Variants in PIK3C2G observed in about 807,000 individuals in gnomAD.
PIK3C2G encodes the protein phosphatidylinositol-4-phosphate 3-kinase catalytic subunit type 2 gamma.
PIK3C2G carries 168 observed loss-of-function variants against 181.1 expected under a neutral mutation model. The ratio of observed to expected loss-of-function variants is 0.93; its 90% CI spans 0.82 to 1.05. PIK3C2G has a LOEUF of 1.05. Among genes scored for constraint, PIK3C2G ranks in the 50% least tolerant of loss-of-function variants. The pLI, the probability that PIK3C2G is intolerant of heterozygous loss-of-function variation, is 0.00. For synonymous variants in PIK3C2G, 573 were observed against 592.2 expected (o/e 0.97, Z 0.47); for missense variants, 1,869 against 1,732.8 (o/e 1.08, Z -1.40).
At chr12:18,550,830 CAT>C (rs1313095766) in intron 26 of PIK3C2G, among the ~76,000 whole-genome samples, 1 of 152,024 alleles carries the variant, frequency 6.6e-6, no homozygotes, top group Non-Finnish European at 1.5e-5. Context: ...TGAGACATAA[CAT>C]ATGTGGCTAC....
chr12:18,355,064 G>A (rs1179841081), intron 11 of PIK3C2G, among the ~76,000 whole-genome samples: 3 of 152,206 alleles, frequency 2.0e-5, no homozygotes, highest in Non-Finnish European at 4.4e-5. Context: ...GGCCTTATCT[G>A]TGCCATGGAG....
upstream of PIK3C2G, among the ~76,000 whole-genome samples, chr12:18,259,772 A>C (rs1842086669): frequency 6.6e-6 from 1 of 152,080 alleles, no homozygotes; most frequent in Non-Finnish European, 1.5e-5. Flanking sequence ...TTTTAAATAA[A>C]ATTTGCATTT....
chr12:18,386,477 T>A (rs1459897550), intron 14 of PIK3C2G, among the ~76,000 whole-genome samples: 2 of 152,114 alleles, frequency 1.3e-5, no homozygotes, highest in East Asian at 3.9e-4. Context: ...CCACTAATCT[T>A]CTTTCTATCT....
intron 16 of PIK3C2G, among the ~76,000 whole-genome samples, chr12:18,405,127 G>T (rs1439336158): frequency 6.6e-6 from 1 of 152,136 alleles, no homozygotes; most frequent in Non-Finnish European, 1.5e-5. Flanking sequence ...GCAAATTTAC[G>T]TAGTGAACGT....
At chr12:18,622,320 G>A (rs944911254) in intron 31 of PIK3C2G, among the ~76,000 whole-genome samples, 3 of 151,830 alleles carry the variant, frequency 2.0e-5, no homozygotes, top group African/African-American at 7.2e-5. Flanking sequence ...CTGTCTTCCT[G>A]TGTTTGGCTT....
intron 13 of PIK3C2G, among the ~76,000 whole-genome samples, chr12:18,375,631 G>A (rs1309134540): frequency 1.3e-5 from 2 of 152,178 alleles, no homozygotes; most frequent in African/African-American, 4.8e-5. Context: ...AGACATATCT[G>A]CATGACTGAA....
At chr12:18,369,177 C>T (rs1043758251) in intron 12 of PIK3C2G, among the ~76,000 whole-genome samples, 1 of 152,168 alleles carries the variant, frequency 6.6e-6, no homozygotes, top group Non-Finnish European at 1.5e-5. Context: ...TAAAGATGCT[C>T]GGTCACTCTT....
chr12:18,662,061 T>C, the PIK3C2G span, among the ~76,000 whole-genome samples: 22 of 152,034 alleles, frequency 1.4e-4, no homozygotes, highest in African/African-American at 4.6e-4. Context: ...CCGTATTAAG[T>C]AGGAACTAAA....
At position 18,391,121 on chromosome 12, in the gene PIK3C2G, G is replaced by A; in HGVS notation, c.1996-1G>A. On this transcript the variant is annotated splice_acceptor_variant, in intron 14 of 32. Transcript: ENST00000538779. LOFTEE classifies it high-confidence loss of function. The stretch of plus-strand genomic sequence containing the variant: ...ATGGCAAATCATTTTTTTTCTTTCA[G>A]ATTGATTTTCCAGCTACTGGGTGGG... 1.3e-6 allele frequency: 2 copies of A among 1,590,110 alleles called. No homozygotes were observed. The highest frequency in any genetic ancestry group is 1.7e-6 in the Non-Finnish European group (2 of 1,170,442).
At chr12:18,308,919 TTTAA>T (rs527789422) in intron 5 of PIK3C2G, among the ~76,000 whole-genome samples, 1 of 151,790 alleles carries the variant, frequency 6.6e-6, no homozygotes, top group Non-Finnish European at 1.5e-5. Flanking sequence ...AAATGTCTGG[TTTAA>T]TTAAGACCAT....
chr12:18,500,264 G>C (rs558083641), intron 22 of PIK3C2G, among the ~76,000 whole-genome samples: 10 of 150,752 alleles, frequency 6.6e-5, no homozygotes, highest in African/African-American at 1.2e-4. Context: ...CTGCCGGCCC[G>C]GGCAATGAGG....
intron 5 of PIK3C2G, among the ~76,000 whole-genome samples, chr12:18,313,599 A>T (rs10161286): frequency 0.16 from 24,655 of 151,934 alleles, 2,281 homozygotes; most frequent in East Asian, 0.41. Context: ...TTGAACCCTG[A>T]GATGGCTGGG....
chr12:18,391,170 G>A lies in PIK3C2G; in HGVS notation c.2044G>A (p.Glu682Lys), dbSNP rs769595327. 2.5e-6 allele frequency: 4 copies of A among 1,607,982 alleles called. No homozygotes were observed. Among genetic ancestry groups the A allele is most frequent in the South Asian group, 1.1e-5 (1 of 90,234 alleles). ...GGAGTATATGAAACCTGATTCTGAA[G>A]AGAATAGAAGTAATCTTGAAGAGCC... ...GWEYMKPDSEENRSNLEEPLK... is the reference protein window; with the variant it reads ...GWEYMKPDSEKNRSNLEEPLK... Residue 682 changes from glutamate (E) to lysine (K), a missense_variant, in exon 15 of 33, where the codon GAG becomes AAG. Transcript: ENST00000538779.
chr12:18,521,391 G>A (rs988135017), intron 24 of PIK3C2G, among the ~76,000 whole-genome samples: 2 of 152,352 alleles, frequency 1.3e-5, no homozygotes, highest in Middle Eastern at 3.4e-3. Context: ...GTGGCTACCC[G>A]TCCTCTTAGG....
the PIK3C2G span, chr12:18,685,763 C>A: frequency 2.5e-6 from 1 of 395,446 alleles, no homozygotes; most frequent in Non-Finnish European, 5.2e-6. Flanking sequence ...TTTCTTCTTC[C>A]TCCAATCCTA....
At chr12:18,601,153 C>A (rs1168672906) in intron 30 of PIK3C2G, among the ~76,000 whole-genome samples, 1 of 151,742 alleles carries the variant, frequency 6.6e-6, no homozygotes, top group Non-Finnish European at 1.5e-5. Flanking sequence ...TAGTACTATA[C>A]ATAATATATA....
chr12:18,558,617 C>T (rs1945134012), intron 26 of PIK3C2G, among the ~76,000 whole-genome samples: 1 of 152,130 alleles, frequency 6.6e-6, no homozygotes, highest in African/African-American at 2.4e-5. Context: ...TCTAGTCATT[C>T]ATCTGCCTCT....
intron 29 of PIK3C2G, among the ~76,000 whole-genome samples, chr12:18,573,856 A>G (rs537851248): frequency 6.6e-6 from 1 of 152,168 alleles, no homozygotes; most frequent in East Asian, 1.9e-4. Flanking sequence ...CAGCCCAAAA[A>G]GTATTAAAGG....
chr12:18,515,233 T>C (rs1341116962), intron 24 of PIK3C2G, among the ~76,000 whole-genome samples: 1 of 152,116 alleles, frequency 6.6e-6, no homozygotes, highest in East Asian at 1.9e-4. Flanking sequence ...AGTGTAATGC[T>C]GGCCTCATAA....
Sources: gnomAD v4.1 joint callset for allele counts (sites outside exome capture counted in the v4.1 genomes callset) on GRCh38, gnomAD v4.1.1 for gene constraint, MANE v1.5 for transcripts, NCBI Gene and HGNC (gene_info 2026-07-23, HGNC 2026-07-21) for gene names.